The following SLC25A48 variants were observed in gnomAD, a reference collection of about 807,000 sequenced individuals.
The protein encoded by SLC25A48 is solute carrier family 25 member 48, also known as CTC-321K16.1.
SLC25A48 carries 29 observed loss-of-function variants against 32.2 expected under a neutral mutation model. That is an observed-to-expected ratio of 0.90 (90% confidence interval 0.67 to 1.23). The LOEUF (loss-of-function observed/expected upper bound fraction) is 1.23, where lower values mean the gene tolerates loss of function less well. SLC25A48 is among the 50% of genes most tolerant of loss of function. The pLI is 0.00. For missense variants in SLC25A48, 399 were observed against 422.7 expected (o/e 0.94, Z 0.49); for synonymous variants, 164 against 172.3 (o/e 0.95, Z 0.38).
chr5:135,751,578 A>G (rs549253854), intron 3 of SLC25A48, among the ~76,000 whole-genome samples: 39 of 152,312 alleles, frequency 2.6e-4, no homozygotes, highest in African/African-American at 7.7e-4. Flanking sequence ...TCACACCTGT[A>G]ATCCCAGCAC....
intron 3 of SLC25A48, among the ~76,000 whole-genome samples, chr5:135,666,417 G>A (rs1753526164): frequency 6.6e-6 from 1 of 152,128 alleles, no homozygotes; most frequent in Admixed American, 6.5e-5. Flanking sequence ...TTCACATAAA[G>A]AGCTTATGTT....
intron 3 of SLC25A48, among the ~76,000 whole-genome samples, chr5:135,695,024 C>A (rs1754233837): frequency 1.3e-5 from 2 of 152,212 alleles, no homozygotes; most frequent in African/African-American, 4.8e-5. Flanking sequence ...CTCCTCCTGG[C>A]AGCCCTCGGC....
At chr5:135,660,281 A>G (rs531587014) in intron 3 of SLC25A48, among the ~76,000 whole-genome samples, 15 of 152,374 alleles carry the variant, frequency 9.8e-5, no homozygotes, top group Admixed American at 3.3e-4. Flanking sequence ...CAGAATATCA[A>G]TGATGATACA....
At chr5:135,823,352 GCCACGTGT>G (rs1050372896) in intron 4 of SLC25A48, among the ~76,000 whole-genome samples, 5 of 152,148 alleles carry the variant, frequency 3.3e-5, no homozygotes, top group African/African-American at 1.2e-4. Context: ...GGCACTCTGG[GCCACGTGT>G]CCCCTCTGGG....
chr5:135,887,016 C>A (rs1180604942), intron 7 of SLC25A48, among the ~76,000 whole-genome samples: 1 of 151,890 alleles, frequency 6.6e-6, no homozygotes, highest in African/African-American at 2.4e-5. Context: ...AACAGCAGCC[C>A]CTTTCACTCC....
At chr5:135,610,260 C>G (rs1388938226) in intron 1 of SLC25A48, among the ~76,000 whole-genome samples, 1 of 152,170 alleles carries the variant, frequency 6.6e-6, no homozygotes, top group Non-Finnish European at 1.5e-5. Flanking sequence ...CATCTCCCCT[C>G]TCTTGTACTT....
At chr5:135,776,418 C>G (rs895562437) in intron 3 of SLC25A48, among the ~76,000 whole-genome samples, 1 of 151,610 alleles carries the variant, frequency 6.6e-6, no homozygotes, top group Non-Finnish European at 1.5e-5. Flanking sequence ...GATATTGTTC[C>G]AAATATAAAA....
At chr5:135,813,538 G>A (rs1356412763) in intron 4 of SLC25A48, among the ~76,000 whole-genome samples, 1 of 152,220 alleles carries the variant, frequency 6.6e-6, no homozygotes, top group Non-Finnish European at 1.5e-5. Context: ...AGACCCTTGA[G>A]TAGCACTGGT....
intron 2 of SLC25A48, among the ~76,000 whole-genome samples, chr5:135,842,881 C>T (rs769904495): frequency 6.6e-6 from 1 of 152,238 alleles, no homozygotes; most frequent in South Asian, 2.1e-4. Flanking sequence ...CCCCTGCACC[C>T]GTCCCCAGTG....
chr5:135,676,983 T>C (rs1174525097), intron 3 of SLC25A48, among the ~76,000 whole-genome samples: 4 of 152,016 alleles, frequency 2.6e-5, no homozygotes, highest in Non-Finnish European at 5.9e-5. Context: ...TGGTCTAATA[T>C]GCAGTTTCAA....
At chr5:135,768,866 G>A (rs918506505) in intron 3 of SLC25A48, among the ~76,000 whole-genome samples, 5 of 151,788 alleles carry the variant, frequency 3.3e-5, no homozygotes, top group African/African-American at 9.7e-5. Flanking sequence ...ACACCTTCCT[G>A]TGATATTGGT....
intron 7 of SLC25A48, among the ~76,000 whole-genome samples, chr5:135,887,466 G>A (rs1762774778): frequency 1.3e-5 from 2 of 151,912 alleles, no homozygotes; most frequent in African/African-American, 4.8e-5. Context: ...GTGTGTGTGT[G>A]TGTGTACATA....
intron 4 of SLC25A48, among the ~76,000 whole-genome samples, chr5:135,862,670 G>A (rs76930965): frequency 0.014 from 2,131 of 152,280 alleles, 39 homozygotes; most frequent in African/African-American, 0.045. Flanking sequence ...GCTGTTGATC[G>A]GGTTTTTTAG....
At position 135,783,108 on chromosome 5, in the gene SLC25A48, A is replaced by G. The variant is rs564859878; in HGVS notation, c.-520-29415A>G. Among the ~76,000 whole-genome samples the G allele has an allele frequency of 1.2e-3, 119 of 100,186 alleles. 11 individuals carry two copies. The highest frequency in any genetic ancestry group is 3.0e-3 in the African/African-American group (97 of 32,408). 65.7% of individuals were successfully genotyped at this position (100,186 alleles called of 152,430 possible). On this transcript the variant is annotated intron_variant, in intron 3 of 10. Transcript: ENST00000646290. ...ACCACAGCACAGTTACAACCCCCAT[A>G]TAATATTGTTTCTCAATCCAGGGGG...
At chr5:135,841,746 T>A (rs550357437) in intron 1 of SLC25A48, among the ~76,000 whole-genome samples, 1 of 152,222 alleles carries the variant, frequency 6.6e-6, no homozygotes, top group East Asian at 1.9e-4. Flanking sequence ...AAGGATTACT[T>A]CATTAAGTAT....
intron 3 of SLC25A48, among the ~76,000 whole-genome samples, chr5:135,851,371 C>A (rs1052990624): frequency 1.3e-5 from 2 of 152,182 alleles, no homozygotes; most frequent in Non-Finnish European, 2.9e-5. Context: ...TGTGGGAGTC[C>A]ACAGTCCCCT....
chr5:135,819,105 AT>A (rs576062949), intron 4 of SLC25A48, among the ~76,000 whole-genome samples: 28 of 152,120 alleles, frequency 1.8e-4, no homozygotes, highest in Non-Finnish European at 4.1e-4. Context: ...AAAAAAAAAA[AT>A]CTAACATACA....
intron 2 of SLC25A48, among the ~76,000 whole-genome samples, chr5:135,632,899 A>G (rs1290231129): frequency 6.6e-6 from 1 of 152,162 alleles, no homozygotes; most frequent in Non-Finnish European, 1.5e-5. Flanking sequence ...TCCTGCTTCA[A>G]TAGCGTCTAT....
intron 3 of SLC25A48, chr5:135,742,545 T>C: frequency 6.9e-7 from 1 of 1,454,920 alleles, no homozygotes; most frequent in African/African-American, 1.4e-5. Flanking sequence ...AATACCAAGA[T>C]TTTGTGTTTT....
Sources: gnomAD v4.1 joint callset for allele counts (sites outside exome capture counted in the v4.1 genomes callset) on GRCh38, gnomAD v4.1.1 for gene constraint, MANE v1.5 for transcripts, NCBI Gene and HGNC (gene_info 2026-07-23, HGNC 2026-07-21) for gene names.